The following DOCK7 variants were observed in gnomAD, a reference collection of about 807,000 sequenced individuals.
DOCK7 encodes the protein dedicator of cytokinesis 7.
DOCK7 carries 138 observed loss-of-function variants against 271.0 expected under a neutral mutation model. The ratio of observed to expected loss-of-function variants is 0.51; its 90% CI spans 0.44 to 0.59. DOCK7 has a LOEUF of 0.59. DOCK7 is among the 20% of genes least tolerant of loss of function. DOCK7 has a pLI of 0.00. For missense variants in DOCK7, 2,066 were observed against 2,592.4 expected, an observed-to-expected ratio of 0.80 and a Z score of 4.41; for synonymous variants, 823 against 876.1, an observed-to-expected ratio of 0.94 and a Z score of 1.07.
At chr1:62,531,566 A>G (rs1645175142) in intron 29 of DOCK7, among the ~76,000 whole-genome samples, 1 of 152,250 alleles carries the variant, frequency 6.6e-6, no homozygotes, top group African/African-American at 2.4e-5. Flanking sequence ...CTAACATTTA[A>G]TCATAGTGTA....
At chr1:62,653,578 A>G (rs1657632427) in intron 4 of DOCK7, 147 bp downstream of exon 4, 3 of 592,258 alleles carry the variant, frequency 5.1e-6, no homozygotes, top group East Asian at 6.0e-5. Flanking sequence ...TAAGGAGTAA[A>G]TATCTATACA....
At chr1:62,616,125 A>AT (rs1204117771) in intron 14 of DOCK7, among the ~76,000 whole-genome samples, 11 of 151,948 alleles carry the variant, frequency 7.2e-5, no homozygotes, top group Admixed American at 7.2e-4. Flanking sequence ...CCCTTAAATC[A>AT]TTTGATGTAT....
At chr1:62,681,960 TG>T (rs1419382808) in intron 1 of DOCK7, among the ~76,000 whole-genome samples, 1 of 150,816 alleles carries the variant, frequency 6.6e-6, no homozygotes, top group African/African-American at 2.4e-5. Context: ...AGGAAGGAAA[TG>T]GTTATCCCAA....
chr1:62,582,846 G>A (rs1018182971), intron 16 of DOCK7, among the ~76,000 whole-genome samples: 2 of 152,190 alleles, frequency 1.3e-5, no homozygotes, highest in Admixed American at 6.5e-5. Context: ...ACTGACTAAT[G>A]TGTTCAAGCT....
chr1:62,653,786 C>T lies in DOCK7; in HGVS notation c.328G>A (p.Asp110Asn). Residue 110 changes from aspartate to asparagine, a missense_variant, in exon 4 of 50, where the codon GAT becomes AAT. This residue lies in a region of DOCK7 where 1,414 missense variants were observed against 1,670.4 expected (regional missense o/e 0.85). Coordinates refer to ENST00000635253, the MANE Select transcript of DOCK7 (RefSeq NM_001367561.1). The part of the protein sequence containing the change: ...VSAVPEESEM[D>N]PHVRDCIRSY... ...CTTATACAGTCTCTAACATGTGGATCCATTTCACTATTTTAAAAAGGAAAA... is the reference window on the plus strand; with the variant it reads ...CTTATACAGTCTCTAACATGTGGATTCATTTCACTATTTTAAAAAGGAAAA... 6.3e-7 allele frequency: 1 copy of T among 1,592,952 alleles called. No individual in the cohort carries two copies. The highest frequency in any genetic ancestry group is 8.6e-7 in the Non-Finnish European group (1 of 1,162,164).
At chr1:62,633,454 A>G in intron 10 of DOCK7, 44 bp downstream of exon 10, 1 of 1,414,454 alleles carries the variant, frequency 7.1e-7, no homozygotes, top group African/African-American at 1.4e-5. Context: ...CTCCCAAGTT[A>G]CAATAGTAAT....
At chr1:62,514,172 AC>A (rs1173219871) in intron 31 of DOCK7, among the ~76,000 whole-genome samples, 1 of 152,168 alleles carries the variant, frequency 6.6e-6, no homozygotes, top group African/African-American at 2.4e-5. Flanking sequence ...TTAATAAAAA[AC>A]ATAAAGATAA....
chr1:62,624,112 C>T (rs911753597), intron 12 of DOCK7, among the ~76,000 whole-genome samples: 4 of 152,124 alleles, frequency 2.6e-5, no homozygotes, highest in Admixed American at 1.3e-4. Context: ...TTATATGGTT[C>T]TAGTCACCTA....
chr1:62,661,940 G>A (rs1277215703), intron 2 of DOCK7, among the ~76,000 whole-genome samples: 1 of 152,064 alleles, frequency 6.6e-6, no homozygotes, highest in East Asian at 1.9e-4. Context: ...CATGTACATT[G>A]AAATCAGCCA....
chr1:62,585,027 A>G (rs746545570), intron 15 of DOCK7: 187 of 479,010 alleles, frequency 3.9e-4, no homozygotes, highest in Admixed American at 5.6e-4. Flanking sequence ...CTATTTTCAC[A>G]ATCTAGTATC....
chr1:62,569,540 C>T (rs1018816932), intron 18 of DOCK7, among the ~76,000 whole-genome samples: 5 of 152,254 alleles, frequency 3.3e-5, no homozygotes, highest in African/African-American at 9.6e-5. Context: ...TTCAGTATCG[C>T]TTCATGTTAA....
Position 62,495,569 on chromosome 1 carries a change from A to T in DOCK7, c.5024+12T>A. ...CCTTATACAAAGCATAAATGAATCAAATAAATGCTACCTGTACATTAGATC... is the reference window on the plus strand; with the variant it reads ...CCTTATACAAAGCATAAATGAATCATATAAATGCTACCTGTACATTAGATC... On this transcript the variant is annotated intron_variant, in intron 39 of 49. Transcript: ENST00000635253. The T allele has an allele frequency of 6.5e-7, 1 of 1,538,420 alleles. No individual in the cohort carries two copies. The highest frequency in any genetic ancestry group is 1.3e-5 in the South Asian group (1 of 78,086).
chr1:62,540,939 T>C (rs1461983898), intron 25 of DOCK7, among the ~76,000 whole-genome samples: 2 of 152,202 alleles, frequency 1.3e-5, no homozygotes, highest in African/African-American at 4.8e-5. Context: ...GAATTGTCAC[T>C]TATATATAGT....
Position 62,535,573 on chromosome 1 carries a change from G to A in DOCK7, c.3531C>T (p.Ser1177=), listed in dbSNP as rs778766754. The A allele has an allele frequency of 2.0e-5, 32 of 1,613,790 alleles. No homozygotes were observed. Among genetic ancestry groups the A allele is most frequent in the East Asian group, 1.6e-4 (7 of 44,834 alleles). The change falls in exon 29 of 50, where the codon TCC becomes TCT. Residue 1177 remains serine (S), a synonymous_variant. Coordinates refer to ENST00000635253, the MANE Select transcript of DOCK7 (RefSeq NM_001367561.1). ...AATAATGCTGTTGGCGGAAAGGCAC[G>A]GATAATTCAAACATATTTGCAATCT... ...DQKIANMFEL[S]VPFRQQHYLA... is the part of the protein sequence containing the mutation.
chr1:62,507,679 C>T (rs968944811), intron 35 of DOCK7, among the ~76,000 whole-genome samples: 14 of 152,164 alleles, frequency 9.2e-5, no homozygotes, highest in African/African-American at 3.4e-4. Context: ...CACCTGATGG[C>T]AGAACTTCCA....
chr1:62,581,614 AT>A (rs1207676962), intron 16 of DOCK7, among the ~76,000 whole-genome samples: 1 of 152,184 alleles, frequency 6.6e-6, no homozygotes, highest in African/African-American at 2.4e-5. Context: ...AAGCAGTAGC[AT>A]TTTCACTGAA....
chr1:62,662,623 T>C (rs1184755896), intron 2 of DOCK7, among the ~76,000 whole-genome samples: 1 of 152,076 alleles, frequency 6.6e-6, no homozygotes, highest in African/African-American at 2.4e-5. Flanking sequence ...TAGCTGGGCA[T>C]GGTGGCACAT....
chr1:62,547,332 A>C (rs1190027261), intron 22 of DOCK7, among the ~76,000 whole-genome samples: 1 of 152,220 alleles, frequency 6.6e-6, no homozygotes, highest in Non-Finnish European at 1.5e-5. Context: ...CTTATATTTA[A>C]TATAATAACT....
At chr1:62,507,847 T>C in intron 35 of DOCK7, 115 bp downstream of exon 35, 1 of 916,286 alleles carries the variant, frequency 1.1e-6, no homozygotes, top group African/African-American at 1.7e-5. Context: ...AACGAAACTT[T>C]TAGGAACTAC....
Sources: allele counts gnomAD v4.1 joint callset (sites outside exome capture counted in the v4.1 genomes callset), GRCh38; gene constraint gnomAD v4.1.1; regional missense constraint gnomAD v4.1.1; transcripts MANE v1.5; gene names NCBI Gene and HGNC (gene_info 2026-07-23, HGNC 2026-07-21).